The following PEBP4 variants were observed in gnomAD, a reference collection of about 807,000 sequenced individuals.
PEBP4 encodes the protein phosphatidylethanolamine binding protein 4, also known as phosphatidylethanolamine-binding protein 4.
A neutral mutation model predicts 23.9 loss-of-function variants in PEBP4; 22 were observed. The observed-to-expected ratio is 0.92, with a 90% CI of 0.66 to 1.31. PEBP4 has a LOEUF of 1.31. Among genes scored for constraint, PEBP4 ranks in the 40% most tolerant of loss-of-function variants. The pLI is 0.00. For synonymous variants in PEBP4, 112 were observed against 99.3 expected (o/e 1.13, Z -0.76); for missense variants, 324 against 281.7 (o/e 1.15, Z -1.07).
At chr8:22,755,955 A>G (rs1245862271) in intron 4 of PEBP4, 1 of 152,246 alleles carries the variant, frequency 6.6e-6, no homozygotes, top group Non-Finnish European at 1.5e-5. Flanking sequence ...GTACATCTGC[A>G]TCTTATTCAT....
intron 4 of PEBP4, among the ~76,000 whole-genome samples, chr8:22,781,703 CCT>C (rs1805918845): frequency 6.6e-6 from 1 of 152,220 alleles, no homozygotes; most frequent in Admixed American, 6.5e-5. Context: ...AAACCAGACT[CCT>C]TGCCTGGCCT....
At chr8:22,900,672 A>G (rs1030914537) in intron 3 of PEBP4, among the ~76,000 whole-genome samples, 11 of 147,562 alleles carry the variant, frequency 7.5e-5, no homozygotes, top group African/African-American at 2.7e-4. Context: ...AAAAAAAAAG[A>G]TATCTTATTT....
rs141473424 is a variant in PEBP4 at position 22,725,052 on chromosome 8, G to T, written c.404-96C>A. The T allele has an allele frequency of 5.2e-3, 4,920 of 940,586 alleles. 43 individuals carry two copies. The highest frequency in any genetic ancestry group is 0.02 in the South Asian group (1,463 of 73,192). 58.3% of individuals were successfully genotyped at this position (940,586 alleles called of 1,614,324 possible). A position where few individuals can be genotyped will look rare whatever the true frequency, so the allele number is the denominator to read the frequency against. ...CCATGGTCCTGCTGACCTCCCTGGG[G>T]CCCCAGATCAGCACTCGGCCCTGCA... On this transcript the variant is annotated intron_variant, in intron 5 of 6. Transcript: ENST00000256404.
chr8:22,873,056 G>A (rs559056506), intron 3 of PEBP4, among the ~76,000 whole-genome samples: 2 of 152,000 alleles, frequency 1.3e-5, no homozygotes, highest in South Asian at 2.1e-4. Context: ...ATTCTTATAG[G>A]CAAAATTAAA....
chr8:22,782,027 T>A, intron 4 of PEBP4, among the ~76,000 whole-genome samples: 1 of 152,198 alleles, frequency 6.6e-6, no homozygotes, highest in East Asian at 1.9e-4. Flanking sequence ...GATCTGGGAT[T>A]CCGTCTTGTT....
upstream of PEBP4, among the ~76,000 whole-genome samples, chr8:22,931,038 C>A (rs1298416754): frequency 6.6e-6 from 1 of 152,152 alleles, no homozygotes; most frequent in Non-Finnish European, 1.5e-5. Context: ...ACTCTTCACT[C>A]CCTTCTTATC....
intron 4 of PEBP4, among the ~76,000 whole-genome samples, chr8:22,737,838 A>G (rs1804900612): frequency 6.6e-6 from 1 of 152,194 alleles, no homozygotes; most frequent in Admixed American, 6.5e-5. Context: ...TGAAGGTGCA[A>G]TTAGGAAATG....
At chr8:22,752,819 C>T (rs140837360) in intron 4 of PEBP4, among the ~76,000 whole-genome samples, 162 of 152,288 alleles carry the variant, frequency 1.1e-3, no homozygotes, top group Non-Finnish European at 2.0e-3. Context: ...GGGAAGAGGT[C>T]GTCATCTTTC....
At chr8:22,909,850 G>C (rs1334146096) in intron 3 of PEBP4, among the ~76,000 whole-genome samples, 1 of 152,198 alleles carries the variant, frequency 6.6e-6, no homozygotes, top group Admixed American at 6.5e-5. Flanking sequence ...TGTTCATAAA[G>C]TGCTTAGCAC....
intron 4 of PEBP4, among the ~76,000 whole-genome samples, chr8:22,795,133 A>G (rs1563218516): frequency 4.3e-5 from 5 of 115,838 alleles, no homozygotes; most frequent in Non-Finnish European, 6.8e-5. Context: ...GTGTATATAT[A>G]TGTGTGTGTG....
intron 3 of PEBP4, among the ~76,000 whole-genome samples, chr8:22,860,225 T>C (rs1563240410): frequency 6.8e-6 from 1 of 147,510 alleles, no homozygotes; most frequent in Non-Finnish European, 1.5e-5. Context: ...TGTATATATA[T>C]ATATGGTGCC....
At chr8:22,843,217 C>T (rs1371153569) in intron 3 of PEBP4, among the ~76,000 whole-genome samples, 1 of 152,194 alleles carries the variant, frequency 6.6e-6, no homozygotes, top group Non-Finnish European at 1.5e-5. Context: ...CCTGCCTCGG[C>T]CTCCCAAAGT....
intron 4 of PEBP4, among the ~76,000 whole-genome samples, chr8:22,753,775 C>T (rs1467198554): frequency 6.6e-6 from 1 of 152,316 alleles, no homozygotes; most frequent in East Asian, 1.9e-4. Context: ...GGATGAATCT[C>T]AGGACCAGAC....
chr8:22,729,777 C>T (rs997729348), intron 4 of PEBP4, among the ~76,000 whole-genome samples: 63 of 152,252 alleles, frequency 4.1e-4, no homozygotes, highest in African/African-American at 1.4e-3. Flanking sequence ...GCAGAAAGAA[C>T]GGGGGAGGAC....
chr8:22,812,031 A>C (rs1161011526), intron 4 of PEBP4, among the ~76,000 whole-genome samples: 1 of 152,234 alleles, frequency 6.6e-6, no homozygotes, highest in Non-Finnish European at 1.5e-5. Flanking sequence ...AGATATTATC[A>C]TGCCCATTTT....
chr8:22,746,682 C>T (rs1215334987), intron 4 of PEBP4, among the ~76,000 whole-genome samples: 1 of 151,912 alleles, frequency 6.6e-6, no homozygotes, highest in African/African-American at 2.4e-5. Flanking sequence ...CACAGAGGAC[C>T]TCAGCCTTCC....
rs1347239143 is a variant in PEBP4, at chr8:22,920,249, T to TA, written c.192dup (p.Asn65Ter). The stretch of plus-strand genomic sequence containing the variant: ...GAGGTGATCTTCTGTCTGTAGTTGT[T>TA]ACAATCAGGAACAACCTTGCAGCCA... On this transcript the variant is annotated frameshift_variant, in exon 3 of 7. Transcript: ENST00000256404. LOFTEE classifies it high-confidence loss of function. The TA allele has an allele frequency of 6.2e-7, 1 of 1,613,910 alleles. No individual in the cohort carries two copies. Among genetic ancestry groups the TA allele is most frequent in the South Asian group, 1.1e-5 (1 of 91,060 alleles).
intron 3 of PEBP4, among the ~76,000 whole-genome samples, chr8:22,867,457 A>G (rs1164706498): frequency 6.6e-6 from 1 of 152,098 alleles, no homozygotes; most frequent in Non-Finnish European, 1.5e-5. Flanking sequence ...AGGTCTCCTT[A>G]GCACACCAGC....
At chr8:22,931,434 G>A (rs549776341), upstream of PEBP4, among the ~76,000 whole-genome samples, 28 of 151,800 alleles carry the variant, frequency 1.8e-4, no homozygotes, top group South Asian at 3.8e-3. Context: ...TCTATTTTCC[G>A]TCTCTATGAA....
Sources: gnomAD v4.1 joint callset for allele counts (sites outside exome capture counted in the v4.1 genomes callset) on GRCh38, gnomAD v4.1.1 for gene constraint, MANE v1.5 for transcripts, NCBI Gene and HGNC (gene_info 2026-07-23, HGNC 2026-07-21) for gene names.